The following EPB41L1 variants were observed in gnomAD, a reference collection of about 807,000 sequenced individuals.
EPB41L1 encodes the protein band 4.1-like protein 1.
Under a neutral mutation model 97.8 loss-of-function variants are expected in EPB41L1, and 29 were observed. That is an observed-to-expected ratio of 0.30 (90% CI 0.22 to 0.40). The LOEUF (loss-of-function observed/expected upper bound fraction) is 0.40. EPB41L1 is among the 10% of genes least tolerant of loss of function. The pLI, the probability that EPB41L1 is intolerant of heterozygous loss-of-function variation, is 1.00. For missense variants in EPB41L1, 812 were observed against 1,162.3 expected, an observed-to-expected ratio of 0.70 and a Z score of 4.38; for synonymous variants, 383 against 459.2, an observed-to-expected ratio of 0.83 and a Z score of 2.12.
At chr20:36,191,442 A>G (rs2061945400) in intron 11 of EPB41L1, among the ~76,000 whole-genome samples, 1 of 152,164 alleles carries the variant, frequency 6.6e-6, no homozygotes, top group African/African-American at 2.4e-5. Context: ...TGTAGCAAGC[A>G]GATAGGGCTT....
intron 13 of EPB41L1, 52 bp from the exon 14 acceptor site, chr20:36,197,807 C>T: frequency 6.2e-7 from 1 of 1,613,696 alleles, no homozygotes; most frequent in Non-Finnish European, 8.5e-7. Flanking sequence ...CACCCTGCAT[C>T]CCCGCTTGGA....
intron 2 of EPB41L1, among the ~76,000 whole-genome samples, chr20:36,140,145 C>T (rs1219853715): frequency 6.6e-6 from 1 of 152,068 alleles, no homozygotes; most frequent in African/African-American, 2.4e-5. Flanking sequence ...ACCTCTGCTT[C>T]CCAGATTCAA....
chr20:36,132,965 T>C (rs528834793), intron 2 of EPB41L1, among the ~76,000 whole-genome samples: 5 of 152,376 alleles, frequency 3.3e-5, no homozygotes, highest in Admixed American at 3.3e-4. Context: ...CACTCATCTG[T>C]GTCTCTGCAT....
In EPB41L1 at chr20:36,188,405, G is replaced by A. The variant is rs2061775859; in HGVS notation, c.932G>A (p.Arg311Gln). 7 of 1,613,832 alleles carry A rather than the reference G, an allele frequency of 4.3e-6. No individual in the cohort carries two copies. Among genetic ancestry groups the A allele is most frequent in the Non-Finnish European group, 5.1e-6 (6 of 1,180,020 alleles). ...TGTGCCAATGGCCTGCTCATCTACC[G>A]GGACCGGCTGAGAATCAACCGCTTT... ...GVCANGLLIY[R>Q]DRLRINRFAW... Residue 311 changes from arginine to glutamine, a missense_variant, in exon 9 of 22, where the codon CGG (arginine) becomes CAG (glutamine). By Grantham distance (43) the Arg-to-Gln change is conservative. This residue lies in a region of EPB41L1 where 230 missense variants were observed against 445.2 expected (regional missense o/e 0.52). Transcript: ENST00000338074.
At position 36,188,463 on chromosome 20, in the gene EPB41L1, G is replaced by A. The variant is rs191582038; in HGVS notation, c.990G>A (p.Lys330=). The A allele has an allele frequency of 2.3e-4, 368 of 1,613,876 alleles. 1 individual carries two copies. Among genetic ancestry groups the A allele is most frequent in the Non-Finnish European group, 2.9e-4 (343 of 1,179,982 alleles). ...AWPKILKISY[K]RSNFYIKIRP... The stretch of plus-strand genomic sequence containing the variant: ...CCAAGATCCTCAAGATCTCCTACAA[G>A]AGGAGTAACTTCTATATCAAGATCC... Residue 330 remains lysine (K), a synonymous_variant, in exon 9 of 22, where the codon AAG becomes AAA. Transcript: ENST00000338074.
At chr20:36,146,796 G>A (rs1600578278) in intron 2 of EPB41L1, among the ~76,000 whole-genome samples, 2 of 151,742 alleles carry the variant, frequency 1.3e-5, no homozygotes, top group South Asian at 4.2e-4. Context: ...GGCTTGGGGG[G>A]TTATGAGGTC....
At position 36,108,258 on chromosome 20, in the gene EPB41L1, G is replaced by A. The variant is rs137859077; in HGVS notation, c.-64-4168G>A. On this transcript the variant is annotated intron_variant, in intron 1 of 19. Coordinates refer to the EPB41L1 transcript ENST00000202028. ...GCCTCCCAAAGTGTGGGGATTACAG[G>A]CATGAACCACCGTGCTGGGCCTATA... Among the ~76,000 whole-genome samples, 59 of 152,182 alleles carry A rather than the reference G, an allele frequency of 3.9e-4. 2 individuals carry two copies. In the East Asian group the frequency reaches 0.011, roughly 28 times the overall value.
intron 2 of EPB41L1, among the ~76,000 whole-genome samples, chr20:36,139,835 G>A (rs1346980869): frequency 3.3e-5 from 5 of 152,022 alleles, no homozygotes; most frequent in African/African-American, 9.7e-5. Flanking sequence ...GGGTTCAAGC[G>A]ATTCTCTTGC....
chr20:36,153,994 C>T (rs1898313092), upstream of EPB41L1, among the ~76,000 whole-genome samples: 1 of 152,176 alleles, frequency 6.6e-6, no homozygotes, highest in Admixed American at 6.5e-5. Context: ...CAGACACATA[C>T]AGCAAGTGCG....
intron 1 of EPB41L1, chr20:36,155,501 G>A: frequency 2.3e-6 from 1 of 433,148 alleles, no homozygotes; most frequent in South Asian, 1.6e-5. Flanking sequence ...CTTGTGTCTG[G>A]CACCTTCACA....
In EPB41L1 at chr20:36,190,398, A is replaced by G. The variant is rs1258519043; in HGVS notation, c.1124+24A>G. ...CGGTGAGCCTGACCTTGGATGGGGTAATGGGGATGGGGCAGAGGCCATGTG... is the reference window on the plus strand; with the variant it reads ...CGGTGAGCCTGACCTTGGATGGGGTGATGGGGATGGGGCAGAGGCCATGTG... On this transcript the variant is annotated intron_variant, in intron 10 of 21. Transcript: ENST00000338074. The surrounding 1 kb of genome is among the most constrained non-coding windows in gnomAD (Gnocchi z 5.8). 1.2e-6 allele frequency: 2 copies of G among 1,611,036 alleles called. No individual in the cohort carries two copies. Among genetic ancestry groups the G allele is most frequent in the African/African-American group, 2.7e-5 (2 of 74,868 alleles).
At chr20:36,197,725 A>T in intron 13 of EPB41L1, 134 bp from the exon 14 acceptor site, 1 of 1,566,248 alleles carries the variant, frequency 6.4e-7, no homozygotes, top group Non-Finnish European at 8.6e-7. Context: ...CTGCCATGAG[A>T]GTGACACAGG....
chr20:36,173,980 C>G, intron 2 of EPB41L1, 26 bp downstream of exon 2: 1 of 1,598,134 alleles, frequency 6.3e-7, no homozygotes, highest in South Asian at 1.1e-5. Flanking sequence ...CATGGGCGTA[C>G]CTTTCCTGCC....
rs749277486 is a variant in EPB41L1, at chr20:36,207,916, T to C, written c.1669-1572T>C. On this transcript the variant is annotated intron_variant, in intron 14 of 21. Transcript: ENST00000338074. The surrounding 1 kb of genome is among the most constrained non-coding windows in gnomAD (Gnocchi z 4.9). ...CAATCAGAGGCTGCTTATCCATCCC[T>C]GTGAGTTTTTTCCCTAAACGGGCCT... 6 of 1,025,060 alleles carry C rather than the reference T, an allele frequency of 5.9e-6. No individual in the cohort carries two copies. The highest frequency in any genetic ancestry group is 7.6e-6 in the Non-Finnish European group (6 of 789,732). 63.5% of individuals were successfully genotyped at this position (1,025,060 alleles called of 1,614,324 possible).
At chr20:36,135,681 C>T (rs2059391868) in intron 2 of EPB41L1, among the ~76,000 whole-genome samples, 2 of 152,242 alleles carry the variant, frequency 1.3e-5, no homozygotes, top group African/African-American at 4.8e-5. Context: ...GTCTCCCACG[C>T]ATAGCTCTTA....
chr20:36,157,302 A>G (rs1165968468), intron 1 of EPB41L1, among the ~76,000 whole-genome samples: 1 of 152,246 alleles, frequency 6.6e-6, no homozygotes, highest in Non-Finnish European at 1.5e-5. Flanking sequence ...AAGTGATAGT[A>G]TTTATTGAAA....
intron 14 of EPB41L1, among the ~76,000 whole-genome samples, chr20:36,201,281 C>T (rs2062482512): frequency 6.6e-6 from 1 of 152,194 alleles, no homozygotes; most frequent in Admixed American, 6.5e-5. Context: ...GGAATGATCT[C>T]CCTCTTTCAG....
intron 2 of EPB41L1, among the ~76,000 whole-genome samples, chr20:36,141,610 G>A (rs745515877): frequency 6.6e-6 from 1 of 152,202 alleles, no homozygotes; most frequent in African/African-American, 2.4e-5. Flanking sequence ...AATGGTTCAG[G>A]CCAGAAGCTT....
intron 12 of EPB41L1, 105 bp downstream of exon 12, chr20:36,194,465 CCCTTACTATGGAGTGCA>C: frequency 2.1e-6 from 3 of 1,429,090 alleles, no homozygotes; most frequent in Non-Finnish European, 1.9e-6. Flanking sequence ...TGGCCAAGCA[CCCTTACTATGGAGTGCA>C]CCATGGCAGG....
Sources: gnomAD v4.1 joint callset for allele counts (sites outside exome capture counted in the v4.1 genomes callset) on GRCh38, gnomAD v4.1.1 for gene constraint, gnomAD v4.1.1 regional missense constraint, Gnocchi (gnomAD v3.1) non-coding constraint, MANE v1.5 for transcripts, NCBI Gene and HGNC (gene_info 2026-07-23, HGNC 2026-07-21) for gene names.